The following IL1RAPL2 variants were observed in gnomAD, a reference collection of about 807,000 sequenced individuals.
IL1RAPL2 encodes the protein interleukin 1 receptor accessory protein like 2.
A neutral mutation model predicts 44.1 loss-of-function variants in IL1RAPL2; 3 were observed. That is an observed-to-expected ratio of 0.07 (90% CI 0.03 to 0.18). The LOEUF (loss-of-function observed/expected upper bound fraction) is 0.18. Ranked by LOEUF, IL1RAPL2 falls within the 10% of genes least tolerant of loss-of-function variation. The pLI is 1.00. For synonymous variants in IL1RAPL2, 181 were observed against 178.8 expected, an observed-to-expected ratio of 1.01 and a Z score of -0.10; for missense variants, 391 against 496.4, an observed-to-expected ratio of 0.79 and a Z score of 2.02.
chrX:105,058,624 G>T, intron 2 of IL1RAPL2, among the ~76,000 whole-genome samples: 1 of 111,762 alleles, frequency 8.9e-6, no homozygotes, highest in Non-Finnish European at 1.9e-5. Flanking sequence ...AATTAAATTT[G>T]TTAAATGAAT....
chrX:105,029,870 A>C (rs1240835607), intron 2 of IL1RAPL2, among the ~76,000 whole-genome samples: 2 of 111,572 alleles, frequency 1.8e-5, no homozygotes, highest in Admixed American at 9.5e-5. Context: ...CCCCACCAAC[A>C]GTGTAAAAGT....
chrX:105,365,886 C>T (rs778840080), intron 5 of IL1RAPL2, among the ~76,000 whole-genome samples: 30 of 110,555 alleles, frequency 2.7e-4, no homozygotes, highest in East Asian at 1.7e-3. Context: ...AAGCGATTCT[C>T]GTGCTTCAGC....
At chrX:104,580,091 C>CA (rs1372684034) in intron 1 of IL1RAPL2, among the ~76,000 whole-genome samples, 14 of 111,656 alleles carry the variant, frequency 1.3e-4, no homozygotes, top group Non-Finnish European at 1.9e-4. Context: ...AAGAGGAAAA[C>CA]AAAGCAAAAC....
intron 2 of IL1RAPL2, among the ~76,000 whole-genome samples, chrX:104,763,412 C>T (rs868543640): frequency 9.8e-5 from 11 of 112,124 alleles, no homozygotes; most frequent in Non-Finnish European, 7.5e-5. Flanking sequence ...TTCAAACTTT[C>T]CCACATTTTT....
chrX:105,301,752 A>AT (rs2034699769), intron 5 of IL1RAPL2, among the ~76,000 whole-genome samples: 1 of 112,185 alleles, frequency 8.9e-6, no homozygotes, highest in Admixed American at 9.5e-5. Context: ...TATGTACCAC[A>AT]TTTTTAAAAA....
At chrX:104,886,297 G>C (rs1032847931) in intron 2 of IL1RAPL2, among the ~76,000 whole-genome samples, 1 of 111,740 alleles carries the variant, frequency 8.9e-6, no homozygotes, top group Non-Finnish European at 1.9e-5. Flanking sequence ...CCCATTTGTT[G>C]TCCCCTACTT....
At chrX:105,070,729 A>ATGTGTG (rs746238792) in intron 2 of IL1RAPL2, among the ~76,000 whole-genome samples, 12 of 104,813 alleles carry the variant, frequency 1.1e-4, no homozygotes, top group South Asian at 4.1e-4. Flanking sequence ...ATATATATTT[A>ATGTGTG]TGTGTGTGTG....
chrX:105,689,542 G>GCC (rs2147530344), intron 6 of IL1RAPL2, among the ~76,000 whole-genome samples: 1 of 111,897 alleles, frequency 8.9e-6, no homozygotes, highest in East Asian at 2.8e-4. Flanking sequence ...CAGTTAGAAT[G>GCC]GTAATCATTA....
chrX:104,627,620 C>CTA (rs1360957332), intron 1 of IL1RAPL2, among the ~76,000 whole-genome samples: 1 of 111,302 alleles, frequency 9.0e-6, no homozygotes, highest in Non-Finnish European at 1.9e-5. Context: ...AACTTTAAGG[C>CTA]TATCTATTCC....
chrX:104,582,870 T>TTC (rs1556437624), intron 1 of IL1RAPL2, among the ~76,000 whole-genome samples: 105 of 64,132 alleles, frequency 1.6e-3, no homozygotes, highest in African/African-American at 6.2e-3. Context: ...CTTTCTTTCT[T>TTC]TTTCTTTTCT....
intron 1 of IL1RAPL2, among the ~76,000 whole-genome samples, chrX:104,618,407 G>A (rs1929320943): frequency 8.9e-6 from 1 of 112,409 alleles, no homozygotes; most frequent in Non-Finnish European, 1.9e-5. Context: ...CATAAGCACT[G>A]AGGGTGAATC....
intron 2 of IL1RAPL2, among the ~76,000 whole-genome samples, chrX:104,961,085 T>A (rs1341036280): frequency 1.8e-5 from 2 of 111,314 alleles, no homozygotes; most frequent in Non-Finnish European, 3.8e-5. Flanking sequence ...AAAAAGATAA[T>A]TGGATGACAG....
intron 2 of IL1RAPL2, among the ~76,000 whole-genome samples, chrX:104,797,375 G>C (rs1344068892): frequency 9.1e-6 from 1 of 110,332 alleles, no homozygotes; most frequent in Non-Finnish European, 1.9e-5. Context: ...GGAATGATAA[G>C]AACAGTATTT....
intron 5 of IL1RAPL2, among the ~76,000 whole-genome samples, chrX:105,385,616 A>T (rs967884352): frequency 9.0e-6 from 1 of 111,669 alleles, no homozygotes; most frequent in African/African-American, 3.2e-5. Context: ...CATTTTAGAG[A>T]AAGGGGCAAC....
At chrX:105,530,916 T>G (rs991809266) in intron 6 of IL1RAPL2, among the ~76,000 whole-genome samples, 6 of 111,774 alleles carry the variant, frequency 5.4e-5, no homozygotes, top group Non-Finnish European at 1.1e-4. Context: ...TGACAGGATC[T>G]CATTCTTTTT....
chrX:104,791,734 C>T lies in IL1RAPL2; in HGVS notation c.82+132739C>T, dbSNP rs1006790559. Among the ~76,000 whole-genome samples, 4 of 111,555 alleles carry T rather than the reference C, an allele frequency of 3.6e-5. No individual in the cohort carries two copies. The Admixed American group carries it at 3.8e-4, about 11-fold the overall frequency. On this transcript the variant is annotated intron_variant, in intron 2 of 10. Coordinates refer to ENST00000372582, the MANE Select transcript of IL1RAPL2 (RefSeq NM_017416.2). ...AATAATTTTGTATGAAGTAGCAGAA[C>T]ATGTGAATAACTTTCTGTGTGACCT...
intron 2 of IL1RAPL2, among the ~76,000 whole-genome samples, chrX:104,693,670 A>G (rs373795233): frequency 2.5e-4 from 28 of 112,156 alleles, no homozygotes; most frequent in African/African-American, 9.1e-4. Context: ...CACTTTGGTT[A>G]TAAGAAGAAC....
At chrX:105,695,250 TA>T (rs2038067709) in intron 6 of IL1RAPL2, among the ~76,000 whole-genome samples, 1 of 112,088 alleles carries the variant, frequency 8.9e-6, no homozygotes, top group South Asian at 3.7e-4. Context: ...TAACATTTTA[TA>T]AATCAATGGA....
At chrX:104,996,062 CT>C (rs777796410) in intron 2 of IL1RAPL2, among the ~76,000 whole-genome samples, 9 of 110,998 alleles carry the variant, frequency 8.1e-5, no homozygotes, top group Non-Finnish European at 1.5e-4. Context: ...TAGTGTTATG[CT>C]TTTTTTCCCC....
Sources: allele counts gnomAD v4.1 joint callset (sites outside exome capture counted in the v4.1 genomes callset), GRCh38; gene constraint gnomAD v4.1.1; transcripts MANE v1.5; gene names NCBI Gene and HGNC (gene_info 2026-07-23, HGNC 2026-07-21).